CAPS2: variants seen among roughly 807,000 people sequenced by gnomAD.
CAPS2 encodes the protein calcyphosine 2.
A neutral mutation model predicts 86.5 loss-of-function variants in CAPS2; 98 were observed. That is an observed-to-expected ratio of 1.13 (90% CI 0.96 to 1.34). The LOEUF (loss-of-function observed/expected upper bound fraction) is 1.34, where lower values mean the gene tolerates loss of function less well. Ranked by LOEUF, CAPS2 falls within the 40% of genes most tolerant of loss-of-function variation. The probability of loss-of-function intolerance (pLI) is 0.00; values close to 1 mark genes in which losing one functional copy is unlikely to be tolerated. For missense variants in CAPS2, 729 were observed against 686.8 expected (o/e 1.06, Z -0.69); for synonymous variants, 210 against 225.1 (o/e 0.93, Z 0.60).
intron 1 of CAPS2, chr12:75,371,586 A>G: frequency 5.1e-6 from 1 of 197,522 alleles, no homozygotes. Context: ...AAAGACAATA[A>G]TAAGGTTATA....
intron 1 of CAPS2, among the ~76,000 whole-genome samples, chr12:75,367,850 TAAC>T (rs1209662272): frequency 6.6e-6 from 1 of 152,190 alleles, no homozygotes; most frequent in Non-Finnish European, 1.5e-5. Flanking sequence ...GCATAAGCTG[TAAC>T]AATAGACACA....
At chr12:75,338,790 C>T (rs1256008235) in intron 1 of CAPS2, among the ~76,000 whole-genome samples, 1 of 151,912 alleles carries the variant, frequency 6.6e-6, no homozygotes, top group Non-Finnish European at 1.5e-5. Flanking sequence ...GTGTGTTGAT[C>T]CCCCCATGTG....
Position 75,306,105 on chromosome 12 carries a change from T to A in CAPS2, c.660-1229A>T, listed in dbSNP as rs2038456069. On this transcript the variant is annotated intron_variant, in intron 7 of 16. Transcript: ENST00000393284. ...GGGGCTGCGGCCCTGGAAGAAGCAC[T>A]CCACCTTCCACATTCGGGAACGTGC... is the stretch of plus-strand genomic sequence containing the variant. 1.5e-6 allele frequency: 2 copies of A among 1,333,074 alleles called. 1 individual carries two copies. Among genetic ancestry groups the A allele is most frequent in the East Asian group, 4.6e-5 (2 of 43,396 alleles). 82.6% of individuals were successfully genotyped at this position (1,333,074 alleles called of 1,614,324 possible). A position where few individuals can be genotyped will look rare whatever the true frequency, so the allele number is the denominator to read the frequency against.
chr12:75,289,418 G>C (rs1437365061), intron 14 of CAPS2, among the ~76,000 whole-genome samples: 1 of 152,138 alleles, frequency 6.6e-6, no homozygotes, highest in Non-Finnish European at 1.5e-5. Context: ...CACAATGCCT[G>C]GTTATTAAGC....
chr12:75,327,185 C>T (rs966473492), upstream of CAPS2, among the ~76,000 whole-genome samples: 1 of 152,266 alleles, frequency 6.6e-6, no homozygotes, highest in Non-Finnish European at 1.5e-5. Context: ...AAAACTAATG[C>T]ATCTCCCTCT....
upstream of CAPS2, among the ~76,000 whole-genome samples, chr12:75,327,568 G>A (rs1049207786): frequency 5.9e-5 from 9 of 151,460 alleles, no homozygotes; most frequent in East Asian, 1.9e-4. Flanking sequence ...AATTATTTCT[G>A]TTTTGTTTTT....
upstream of CAPS2, chr12:75,335,014 G>T (rs2041626716): frequency 3.7e-6 from 4 of 1,067,192 alleles, no homozygotes; most frequent in Non-Finnish European, 5.4e-6. Flanking sequence ...TTACATATAT[G>T]CAGTTAAAAA....
chr12:75,280,417 G>A (rs935733002), intron 16 of CAPS2, among the ~76,000 whole-genome samples: 1 of 151,458 alleles, frequency 6.6e-6, no homozygotes, highest in Non-Finnish European at 1.5e-5. Flanking sequence ...TAATATGAAC[G>A]CAAAGACAAA....
At chr12:75,338,097 CT>C in intron 1 of CAPS2, among the ~76,000 whole-genome samples, 1 of 152,092 alleles carries the variant, frequency 6.6e-6, no homozygotes. Flanking sequence ...AAGAGAAAAC[CT>C]TTTGGAACTT....
At chr12:75,323,119 T>A in intron 3 of CAPS2, 58 bp downstream of exon 4, 1 of 1,495,060 alleles carries the variant, frequency 6.7e-7, no homozygotes, top group Non-Finnish European at 9.1e-7. Flanking sequence ...ATTTCTTATA[T>A]GCTATGTGTA....
At chr12:75,343,052 T>A (rs1407485055) in intron 1 of CAPS2, among the ~76,000 whole-genome samples, 1 of 151,992 alleles carries the variant, frequency 6.6e-6, no homozygotes, top group Non-Finnish European at 1.5e-5. Flanking sequence ...TTTTTATGTA[T>A]CCAGTCATGT....
At chr12:75,318,352 C>T (rs1304895728) in intron 5 of CAPS2, among the ~76,000 whole-genome samples, 1 of 152,114 alleles carries the variant, frequency 6.6e-6, no homozygotes, top group Non-Finnish European at 1.5e-5. Flanking sequence ...CTGCTTTTAT[C>T]TTTGTCCTAT....
chr12:75,283,139 G>T (rs928396546), intron 15 of CAPS2, among the ~76,000 whole-genome samples: 1 of 152,290 alleles, frequency 6.6e-6, no homozygotes, highest in Admixed American at 6.5e-5. Flanking sequence ...TCTATTTCTT[G>T]AAATTTAATA....
chr12:75,345,470 C>A (rs1326275348), intron 1 of CAPS2, among the ~76,000 whole-genome samples: 1 of 152,092 alleles, frequency 6.6e-6, no homozygotes, highest in African/African-American at 2.4e-5. Flanking sequence ...AAAGAGCTAA[C>A]CTTCTTCTCT....
chr12:75,284,841 A>T, intron 15 of CAPS2, 120 bp downstream of exon 15: 1 of 922,994 alleles, frequency 1.1e-6, no homozygotes, highest in African/African-American at 1.7e-5. Flanking sequence ...TGTTTTACTA[A>T]ACCCAACATA....
chr12:75,359,907 A>G (rs1168634727), intron 1 of CAPS2: 2 of 152,174 alleles, frequency 1.3e-5, no homozygotes, highest in African/African-American at 4.8e-5. Context: ...AATAGGTTTA[A>G]TTGACTACAG....
chr12:75,385,886 A>G (rs1000594251), intron 1 of CAPS2, among the ~76,000 whole-genome samples: 3 of 152,216 alleles, frequency 2.0e-5, no homozygotes, highest in African/African-American at 2.4e-5. Context: ...TCATAAATCT[A>G]ACAAAATATT....
intron 1 of CAPS2, chr12:75,370,220 G>T: frequency 1.6e-5 from 16 of 1,014,156 alleles, no homozygotes; most frequent in Non-Finnish European, 2.0e-5. Flanking sequence ...TAAAATAAAG[G>T]AATAGTTTAT....
intron 13 of CAPS2, among the ~76,000 whole-genome samples, chr12:75,290,530 A>G (rs2035652150): frequency 6.6e-6 from 1 of 152,222 alleles, no homozygotes; most frequent in South Asian, 2.1e-4. Flanking sequence ...CATCAAGAAC[A>G]TATGAGAGTC....
Sources: allele counts gnomAD v4.1 joint callset (sites outside exome capture counted in the v4.1 genomes callset), GRCh38; gene constraint gnomAD v4.1.1; transcripts MANE v1.5; gene names NCBI Gene and HGNC (gene_info 2026-07-23, HGNC 2026-07-21).